NLGN1: variants seen among roughly 807,000 people sequenced by gnomAD.
NLGN1 encodes neuroligin 1, also known as neuroligin-1.
In NLGN1, 12 loss-of-function variants were observed where a neutral mutation model predicts 65.5. That is an observed-to-expected ratio of 0.18 (90% CI 0.12 to 0.30). The LOEUF is 0.30. Ranked by LOEUF, NLGN1 falls within the 10% of genes least tolerant of loss-of-function variation. NLGN1 has a pLI of 1.00. For synonymous variants in NLGN1, 350 were observed against 359.5 expected (o/e 0.97, Z 0.30); for missense variants, 750 against 1,007.1 (o/e 0.74, Z 3.46).
intron 4 of NLGN1, among the ~76,000 whole-genome samples, chr3:174,128,955 A>G (rs1294719956): frequency 6.6e-6 from 1 of 152,098 alleles, no homozygotes; most frequent in Non-Finnish European, 1.5e-5. Context: ...TTCTCATCAG[A>G]ATGCATCCTT....
chr3:174,001,505 A>G (rs967239747), intron 4 of NLGN1, among the ~76,000 whole-genome samples: 2 of 152,194 alleles, frequency 1.3e-5, no homozygotes, highest in East Asian at 1.9e-4. Flanking sequence ...TGCAGTCTTG[A>G]GAAAAGATCA....
intron 2 of NLGN1, among the ~76,000 whole-genome samples, chr3:173,476,047 A>G (rs1267159491): frequency 6.6e-6 from 1 of 152,202 alleles, no homozygotes; most frequent in Non-Finnish European, 1.5e-5. Flanking sequence ...AGTGCCTTAT[A>G]AATATTGATT....
chr3:173,520,043 T>C (rs1734500823), intron 2 of NLGN1, among the ~76,000 whole-genome samples: 1 of 152,206 alleles, frequency 6.6e-6, no homozygotes, highest in South Asian at 2.1e-4. Flanking sequence ...CTTGTGAGGA[T>C]TGGTTGTTTA....
chr3:173,762,373 C>T (rs1014778948), intron 3 of NLGN1, among the ~76,000 whole-genome samples: 18 of 151,770 alleles, frequency 1.2e-4, no homozygotes, highest in South Asian at 4.2e-4. Context: ...ATAAAAGTGA[C>T]GATGCAAACA....
chr3:173,759,176 A>C (rs1162498642), intron 3 of NLGN1, among the ~76,000 whole-genome samples: 1 of 151,630 alleles, frequency 6.6e-6, no homozygotes, highest in Non-Finnish European at 1.5e-5. Context: ...ACACACACAC[A>C]CCCAATTTTC....
chr3:173,981,428 G>A (rs1718750298), intron 4 of NLGN1, among the ~76,000 whole-genome samples: 1 of 152,156 alleles, frequency 6.6e-6, no homozygotes. Context: ...TCCGTATGAA[G>A]TTGGTTTAGC....
chr3:173,674,531 G>T (rs1762871230), intron 3 of NLGN1, among the ~76,000 whole-genome samples: 1 of 152,042 alleles, frequency 6.6e-6, no homozygotes, highest in Non-Finnish European at 1.5e-5. Flanking sequence ...TAGGAAAAAA[G>T]AATTGTAATG....
At chr3:173,823,758 C>T (rs897941405) in intron 4 of NLGN1, among the ~76,000 whole-genome samples, 27 of 151,870 alleles carry the variant, frequency 1.8e-4, no homozygotes, top group African/African-American at 5.3e-4. Flanking sequence ...TAATTATACA[C>T]ACCTGTTGGG....
At chr3:173,496,016 A>C (rs1038157267) in intron 2 of NLGN1, among the ~76,000 whole-genome samples, 2 of 151,014 alleles carry the variant, frequency 1.3e-5, no homozygotes, top group Non-Finnish European at 2.9e-5. Flanking sequence ...TTTTTTTTAT[A>C]TTGCTAATTT....
intron 4 of NLGN1, among the ~76,000 whole-genome samples, chr3:173,846,698 G>A (rs1197986500): frequency 2.6e-5 from 4 of 152,168 alleles, no homozygotes; most frequent in Non-Finnish European, 4.4e-5. Flanking sequence ...CTACTGAGGA[G>A]AAAATCGAGA....
intron 4 of NLGN1, among the ~76,000 whole-genome samples, chr3:174,054,796 C>T (rs1230512150): frequency 3.3e-5 from 5 of 151,960 alleles, no homozygotes; most frequent in African/African-American, 1.2e-4. Flanking sequence ...AGCACTTATT[C>T]GCAATGTCCG....
chr3:174,045,893 CT>C (rs1733472719), intron 4 of NLGN1, among the ~76,000 whole-genome samples: 2 of 152,200 alleles, frequency 1.3e-5, no homozygotes, highest in African/African-American at 2.4e-5. Flanking sequence ...CATTTCAGTC[CT>C]CTGAAGTAAT....
rs140337571 is a variant in NLGN1 at position 174,030,281 on chromosome 3, A to G, written c.646+222449A>G. Among the ~76,000 whole-genome samples, 937 of 152,070 alleles carry G rather than the reference A, an allele frequency of 6.2e-3. 12 individuals carry two copies. Among genetic ancestry groups the G allele is most frequent in the African/African-American group, 0.021 (879 of 41,488 alleles). On this transcript the variant is annotated intron_variant, in intron 4 of 6. Coordinates refer to ENST00000457714, the Ensembl canonical transcript of NLGN1. ...GCTGGGATTACAGGCATGTGCCACC[A>G]TGCCTGGCTAATTTTTGTATTTTTA... is the stretch of plus-strand genomic sequence containing the variant.
At chr3:173,947,044 C>G (rs1747307054) in intron 4 of NLGN1, among the ~76,000 whole-genome samples, 1 of 145,844 alleles carries the variant, frequency 6.9e-6, no homozygotes, top group South Asian at 2.2e-4. Flanking sequence ...GATTAACTAT[C>G]TAGCAGTTGT....
chr3:173,797,490 C>T (rs1560390979), intron 3 of NLGN1, among the ~76,000 whole-genome samples: 2 of 151,948 alleles, frequency 1.3e-5, no homozygotes, highest in African/African-American at 4.8e-5. Context: ...ACTTAATCCT[C>T]CTCCAGGATA....
At chr3:173,962,814 A>G (rs1275568590) in intron 4 of NLGN1, among the ~76,000 whole-genome samples, 2 of 152,132 alleles carry the variant, frequency 1.3e-5, no homozygotes, top group East Asian at 3.8e-4. Flanking sequence ...TTGAAAGTTG[A>G]TGCTCAATAT....
At chr3:174,160,497 T>C (rs6765689) in intron 4 of NLGN1, among the ~76,000 whole-genome samples, 14,059 of 151,694 alleles carry the variant, frequency 0.093, 1,288 homozygotes, top group African/African-American at 0.24. Flanking sequence ...TATTTAGCAT[T>C]GTTCTTTCCA....
At chr3:173,966,100 A>T (rs1714808351) in intron 4 of NLGN1, among the ~76,000 whole-genome samples, 1 of 152,186 alleles carries the variant, frequency 6.6e-6, no homozygotes, top group African/African-American at 2.4e-5. Context: ...ACCAACTGAT[A>T]TTCAAAATAA....
chr3:174,282,260 A>C (rs889337278), exon 7 of NLGN1: 1 of 152,200 alleles, frequency 6.6e-6, no homozygotes, highest in Non-Finnish European at 1.5e-5. Flanking sequence ...AGGATCTATA[A>C]GTTGCTGTGT....
Sources: allele counts gnomAD v4.1 joint callset (sites outside exome capture counted in the v4.1 genomes callset), GRCh38; gene constraint gnomAD v4.1.1; transcripts MANE v1.5; gene names NCBI Gene and HGNC (gene_info 2026-07-23, HGNC 2026-07-21).